CAMK1G: variants seen among roughly 807,000 people sequenced by gnomAD.
CAMK1G encodes the protein calcium/calmodulin dependent protein kinase IG.
A neutral mutation model predicts 54.8 loss-of-function variants in CAMK1G; 27 were observed. The ratio of observed to expected loss-of-function variants is 0.49; its 90% CI spans 0.36 to 0.68. CAMK1G has a LOEUF of 0.68. Ranked by LOEUF, CAMK1G falls within the 30% of genes least tolerant of loss-of-function variation. CAMK1G has a pLI of 0.00. For synonymous variants in CAMK1G, 238 were observed against 224.9 expected (o/e 1.06, Z -0.52); for missense variants, 512 against 591.0 (o/e 0.87, Z 1.39).
chr1:209,594,139 T>C lies in CAMK1G; in HGVS notation c.-29-816T>C, dbSNP rs551282453. ...TATGACCTGCTCAAGAGGCCTTCCC[T>C]GGACTTTATCTAAAGAAGACCCTCC... On this transcript the variant is annotated intron_variant, in intron 1 of 12. Coordinates refer to ENST00000361322, the MANE Select transcript of CAMK1G (RefSeq NM_020439.3). 2.8e-4 allele frequency among the ~76,000 whole-genome samples: 43 copies of C among 152,322 alleles called. 1 individual carries two copies. The South Asian group carries it at 7.7e-3, about 27-fold the overall frequency.
chr1:209,609,620 C>T (rs533842300), intron 8 of CAMK1G, among the ~76,000 whole-genome samples: 3 of 152,228 alleles, frequency 2.0e-5, no homozygotes, highest in African/African-American at 7.2e-5. Context: ...ACTAGTGACG[C>T]TTCTGCAGTG....
intron 1 of CAMK1G, among the ~76,000 whole-genome samples, chr1:209,593,164 G>C (rs767207828): frequency 6.6e-6 from 1 of 152,194 alleles, no homozygotes; most frequent in Admixed American, 6.5e-5. Context: ...CATTTAACTG[G>C]TAACTAGCAA....
chr1:209,584,125 C>T (rs1419879679), intron 1 of CAMK1G, among the ~76,000 whole-genome samples: 5 of 152,116 alleles, frequency 3.3e-5, no homozygotes, highest in Admixed American at 6.5e-5. Context: ...AGAGGGACCC[C>T]GTCCATCTGC....
At chr1:209,593,180 G>A (rs755709687) in intron 1 of CAMK1G, among the ~76,000 whole-genome samples, 8 of 152,202 alleles carry the variant, frequency 5.3e-5, no homozygotes, top group Non-Finnish European at 1.0e-4. Flanking sequence ...AGCAAAGGTA[G>A]GATTTGAACT....
chr1:209,584,206 A>T (rs562254491), intron 1 of CAMK1G, among the ~76,000 whole-genome samples: 2 of 152,016 alleles, frequency 1.3e-5, no homozygotes, highest in South Asian at 4.2e-4. Flanking sequence ...AACCTCTCTG[A>T]CCCCATCCAT....
chr1:209,590,745 A>G (rs713073), intron 1 of CAMK1G, among the ~76,000 whole-genome samples: 99,737 of 151,766 alleles, frequency 0.66, 33,062 homozygotes, highest in African/African-American at 0.72. Context: ...GAGAGCAAGG[A>G]TGGGGGAGGC....
chr1:209,608,483 A>G (rs10489339), intron 7 of CAMK1G, among the ~76,000 whole-genome samples: 21,267 of 152,176 alleles, frequency 0.14, 1,572 homozygotes, highest in Middle Eastern at 0.17. Flanking sequence ...TCTTAGGAAA[A>G]TAACCTGGTT....
At chr1:209,609,711 C>A in intron 8 of CAMK1G, 140 bp from the exon 9 acceptor site, 1 of 768,988 alleles carries the variant, frequency 1.3e-6, no homozygotes, top group Non-Finnish European at 2.2e-6. Flanking sequence ...GATTTTTTTT[C>A]CTCTTCTAAG....
At chr1:209,588,045 T>C (rs1289605832) in intron 1 of CAMK1G, among the ~76,000 whole-genome samples, 2 of 152,034 alleles carry the variant, frequency 1.3e-5, no homozygotes, top group Admixed American at 1.3e-4. Flanking sequence ...TCCTCTAAGG[T>C]CAGTAAAAGA....
At chr1:209,588,809 T>A (rs1665173294) in intron 1 of CAMK1G, among the ~76,000 whole-genome samples, 1 of 152,234 alleles carries the variant, frequency 6.6e-6, no homozygotes, top group African/African-American at 2.4e-5. Context: ...ATCTGCCTCC[T>A]GGGCTCATGG....
At position 209,606,405 on chromosome 1, in the gene CAMK1G, G is replaced by A; in HGVS notation, c.521G>A (p.Gly174Asp). ...DFGLSKMEQN[G>D]IMSTACGTPG... ...GGTCTGTCCAAGATGGAACAGAATGGCATCATGTCCACTGCCTGTGGGACC... is the reference window on the plus strand; with the variant it reads ...GGTCTGTCCAAGATGGAACAGAATGACATCATGTCCACTGCCTGTGGGACC... Residue 174 changes from glycine (G) to aspartate (D), a missense_variant, in exon 6 of 13, where the codon GGC (glycine) becomes GAC (aspartate). By Grantham distance (94) the Gly-to-Asp change is moderately conservative. Transcript: ENST00000361322. 1 of 1,614,078 alleles carries A rather than the reference G, an allele frequency of 6.2e-7. No homozygotes were observed. The highest frequency in any genetic ancestry group is 2.2e-5 in the East Asian group (1 of 44,880).
Position 209,611,581 on chromosome 1 carries a change from A to T in CAMK1G, c.915+29A>T, listed in dbSNP as rs370487369. On this transcript the variant is annotated intron_variant, in intron 10 of 12. Transcript: ENST00000361322. ...AGCTGTCCTCTCCAGGGGGTGGGAA[A>T]GCTGTTCTGGGCCCCTGGAGGCTGG... The T allele has an allele frequency of 1.9e-6, 3 of 1,599,458 alleles. No individual in the cohort carries two copies. In the African/African-American group the frequency reaches 4.0e-5, roughly 21 times the overall value.
chr1:209,589,131 C>T (rs1184575919), intron 1 of CAMK1G, among the ~76,000 whole-genome samples: 1 of 152,188 alleles, frequency 6.6e-6, no homozygotes, highest in Admixed American at 6.5e-5. Context: ...CAACCTCAAA[C>T]AAGTAAACAG....
chr1:209,592,364 A>AC (rs1553272848), intron 1 of CAMK1G, among the ~76,000 whole-genome samples: 1,749 of 143,824 alleles, frequency 0.012, 49 homozygotes, highest in African/African-American at 0.04. Context: ...AAAAAAAAAA[A>AC]CTCCAGTACT....
intron 7 of CAMK1G, 121 bp from the exon 8 acceptor site, chr1:209,608,859 C>A: frequency 7.1e-7 from 1 of 1,399,240 alleles, no homozygotes; most frequent in South Asian, 1.4e-5. Context: ...CCTGGTCACA[C>A]CACTGTTCTG....
intron 1 of CAMK1G, among the ~76,000 whole-genome samples, chr1:209,585,697 A>C (rs1012026603): frequency 6.6e-6 from 1 of 152,180 alleles, no homozygotes; most frequent in African/African-American, 2.4e-5. Context: ...TGGAAGTGAA[A>C]AAGCATCCCC....
intron 1 of CAMK1G, among the ~76,000 whole-genome samples, chr1:209,592,338 C>CT (rs1221931634): frequency 8.3e-6 from 1 of 120,494 alleles, no homozygotes; most frequent in Non-Finnish European, 1.7e-5. Context: ...GAGCAAGACT[C>CT]TGTCTCAAAA....
chr1:209,605,396 G>T, intron 4 of CAMK1G, 140 bp from the exon 5 acceptor site: 1 of 949,608 alleles, frequency 1.1e-6, no homozygotes, highest in Non-Finnish European at 1.6e-6. Flanking sequence ...GGAGTAGTCT[G>T]CTGGCAGCCC....
intron 10 of CAMK1G, 102 bp downstream of exon 10, chr1:209,611,654 C>T: frequency 6.8e-6 from 10 of 1,460,864 alleles, no homozygotes; most frequent in Non-Finnish European, 8.5e-6. Context: ...TCCCAGAAGG[C>T]ATTGGAGCTC....
Sources: gnomAD v4.1 joint callset for allele counts (sites outside exome capture counted in the v4.1 genomes callset) on GRCh38, gnomAD v4.1.1 for gene constraint, MANE v1.5 for transcripts, NCBI Gene and HGNC (gene_info 2026-07-23, HGNC 2026-07-21) for gene names.